EMILIN2: variants seen among roughly 807,000 people sequenced by gnomAD.
EMILIN2 encodes the protein elastin microfibril interfacer 2, also known as EMILIN-2.
EMILIN2 carries 71 observed loss-of-function variants against 87.1 expected under a neutral mutation model. That is an observed-to-expected ratio of 0.82 (90% CI 0.67 to 0.99). The LOEUF (loss-of-function observed/expected upper bound fraction) is 0.99, where lower values mean the gene tolerates loss of function less well. EMILIN2 is among the 50% of genes least tolerant of loss of function. EMILIN2 has a pLI of 0.00. For synonymous variants in EMILIN2, 581 were observed against 563.4 expected, an observed-to-expected ratio of 1.03 and a Z score of -0.44; for missense variants, 1,407 against 1,371.8, an observed-to-expected ratio of 1.03 and a Z score of -0.40.
chr18:2,908,981 T>C lies in EMILIN2; in HGVS notation c.2695+6T>C. 6.2e-7 allele frequency: 1 copy of C among 1,613,316 alleles called. No homozygotes were observed. The highest frequency in any genetic ancestry group is 8.5e-7 in the Non-Finnish European group (1 of 1,180,020). On this transcript the variant is annotated splice_donor_region_variant and intron_variant, in intron 6 of 7. Coordinates refer to ENST00000254528, the MANE Select transcript of EMILIN2 (RefSeq NM_032048.3). ...ACCTCCTGTAGCTTCCCCAGGTATG[T>C]CTGCTGAGAGACCAGGAGCAGGAGG...
Position 2,847,984 on chromosome 18 carries a change from G to T in EMILIN2, c.257+53G>T. On this transcript the variant is annotated intron_variant, in intron 2 of 7. Transcript: ENST00000254528. This position sits in a 1 kb window ranked among gnomAD's most constrained non-coding sequence, Gnocchi z 4.5. ...GGGCGCGCCCGGGCCGGGGCGGTGG[G>T]GGTGGGGTGGGGTTGCTGCGCTGGG... 1 of 1,509,018 alleles carries T rather than the reference G, an allele frequency of 6.6e-7. No homozygotes were observed. Among genetic ancestry groups the T allele is most frequent in the South Asian group, 1.2e-5 (1 of 80,584 alleles). 93.5% of individuals were successfully genotyped at this position (1,509,018 alleles called of 1,614,324 possible).
In EMILIN2 at chr18:2,892,197, A is replaced by G. The variant is rs2076841749; in HGVS notation, c.2070A>G (p.Glu690=). 1 of 1,607,386 alleles carries G rather than the reference A, an allele frequency of 6.2e-7. No individual in the cohort carries two copies. Among genetic ancestry groups the G allele is most frequent in the Non-Finnish European group, 8.5e-7 (1 of 1,175,594 alleles). ...QVISELDACK[E]CTQGVQREVS... ...TCTCGGAGCTGGATGCTTGTAAGGA[A>G]TGCACGCAGGGGGTCCAGAGGGAGG... The change falls in exon 4 of 8, where the codon GAA becomes GAG. Residue 690 remains glutamate (E), a synonymous_variant. Coordinates refer to ENST00000254528, the MANE Select transcript of EMILIN2 (RefSeq NM_032048.3).
At chr18:2,905,977 A>AT (rs2076909864) in intron 4 of EMILIN2, among the ~76,000 whole-genome samples, 1 of 151,920 alleles carries the variant, frequency 6.6e-6, no homozygotes, top group Non-Finnish European at 1.5e-5. Flanking sequence ...GCAGCCGCCG[A>AT]TTTTTGTCGG....
At chr18:2,887,133 G>A (rs1248259219) in intron 3 of EMILIN2, among the ~76,000 whole-genome samples, 1 of 152,018 alleles carries the variant, frequency 6.6e-6, no homozygotes, top group African/African-American at 2.4e-5. Context: ...CAGAAATCTA[G>A]GTCAGAAATC....
Position 2,847,814 on chromosome 18 carries a change from G to T in EMILIN2, c.140G>T (p.Trp47Leu). 1 of 1,613,172 alleles carries T rather than the reference G, an allele frequency of 6.2e-7. No individual in the cohort carries two copies. Among genetic ancestry groups the T allele is most frequent in the Non-Finnish European group, 8.5e-7 (1 of 1,179,782 alleles). The change falls in exon 2 of 8, where the codon TGG becomes TTG. Residue 47 changes from tryptophan to leucine, a missense_variant. Trp to Leu is a moderately conservative substitution (Grantham distance 61). Transcript: ENST00000254528. This position sits in a 1 kb window ranked among gnomAD's most constrained non-coding sequence, Gnocchi z 4.5. ...PARPSARNKNWCAYIVNKNVS... is the reference protein window; with the variant it reads ...PARPSARNKNLCAYIVNKNVS... ...CTCTCTCTCCTGCACCCCAGGAACT[G>T]GTGCGCCTACATCGTGAACAAGAAT...
Position 2,896,442 on chromosome 18 carries a change from C to T in EMILIN2, c.2359+3956C>T, listed in dbSNP as rs537344503. 1.5e-4 allele frequency among the ~76,000 whole-genome samples: 23 copies of T among 152,040 alleles called. 1 individual carries two copies. The highest frequency in any genetic ancestry group is 2.6e-4 in the Admixed American group (4 of 15,276). On this transcript the variant is annotated intron_variant, in intron 4 of 7. Coordinates refer to ENST00000254528, the MANE Select transcript of EMILIN2 (RefSeq NM_032048.3). ...CCACCCATCTCAGCCTCCCAAAGTG[C>T]TGGGATTACAAGCATGAGACATTGC...
intron 2 of EMILIN2, among the ~76,000 whole-genome samples, chr18:2,855,620 C>T (rs938921958): frequency 1.3e-5 from 2 of 152,166 alleles, no homozygotes; most frequent in African/African-American, 4.8e-5. Flanking sequence ...CTGCAGAGAA[C>T]GGCAAGTGGG....
Position 2,892,126 on chromosome 18 carries a change from T to G in EMILIN2, c.1999T>G (p.Cys667Gly), listed in dbSNP as rs373032254. The G allele has an allele frequency of 6.8e-6, 11 of 1,610,886 alleles. No individual in the cohort carries two copies. The highest frequency in any genetic ancestry group is 9.3e-6 in the Non-Finnish European group (11 of 1,177,858). ...CCCCCAGCACCCCGTGGCTCATTGC[T>G]GCAGTCAGCTGGAGGAGAGGTGGCA... is the stretch of plus-strand genomic sequence containing the variant. ...PSPQHPVAHC[C>G]SQLEERWQRL... The change falls in exon 4 of 8, where the codon TGC (cysteine) becomes GGC (glycine). Residue 667 changes from cysteine to glycine, a missense_variant. By Grantham distance (159) the Cys-to-Gly change is radical. Coordinates refer to ENST00000254528, the MANE Select transcript of EMILIN2 (RefSeq NM_032048.3).
rs777501083 is a variant in EMILIN2, at chr18:2,892,219, G to T, written c.2092G>T (p.Glu698Ter). The change falls in exon 4 of 8, where the codon GAG becomes TAG. Residue 698 changes from glutamate (E) to a stop codon, truncating the protein, a stop_gained. Coordinates refer to ENST00000254528, the MANE Select transcript of EMILIN2 (RefSeq NM_032048.3). LOFTEE classifies it high-confidence loss of function. The stretch of plus-strand genomic sequence containing the variant: ...GGAATGCACGCAGGGGGTCCAGAGG[G>T]AGGTCTCCATGGTGGAGGGCAGGGT... ...CKECTQGVQR[E>*]VSMVEGRVSH... The T allele has an allele frequency of 6.2e-6, 10 of 1,609,804 alleles. No homozygotes were observed. In the Admixed American group the frequency reaches 1.2e-4, roughly 19 times the overall value.
Position 2,892,094 on chromosome 18 carries a change from T to C in EMILIN2, c.1967T>C (p.Leu656Pro). The C allele has an allele frequency of 6.2e-7, 1 of 1,613,892 alleles. No individual in the cohort carries two copies. The highest frequency in any genetic ancestry group is 8.5e-7 in the Non-Finnish European group (1 of 1,179,800). Residue 656 changes from leucine (L) to proline (P), a missense_variant, in exon 4 of 8, where the codon CTG becomes CCG. Coordinates refer to ENST00000254528, the MANE Select transcript of EMILIN2 (RefSeq NM_032048.3). ...VGEQERTVDT[L>P]PSPQHPVAHC... ...GAGCAAGAAAGGACAGTGGACACCCTGCCGTCCCCCCAGCACCCCGTGGCT... is the reference window on the plus strand; with the variant it reads ...GAGCAAGAAAGGACAGTGGACACCCCGCCGTCCCCCCAGCACCCCGTGGCT...
chr18:2,905,506 CTTT>C (rs1450553405), intron 4 of EMILIN2, among the ~76,000 whole-genome samples: 1 of 152,076 alleles, frequency 6.6e-6, no homozygotes, highest in Non-Finnish European at 1.5e-5. Context: ...CAATTCTACT[CTTT>C]TATTTAAAAA....
intron 2 of EMILIN2, among the ~76,000 whole-genome samples, chr18:2,858,490 T>C (rs2076638926): frequency 7.7e-6 from 1 of 129,504 alleles, no homozygotes; most frequent in African/African-American, 3.0e-5. Context: ...TACCATTAAT[T>C]CATCCCTTTT....
Position 2,913,317 on chromosome 18 carries a change from T to TG in EMILIN2, c.3080dup (p.Lys1028GlnfsTer8). The TG allele has an allele frequency of 1.2e-6, 2 of 1,613,194 alleles. No homozygotes were observed. The highest frequency in any genetic ancestry group is 1.1e-5 in the South Asian group (1 of 90,978). The stretch of plus-strand genomic sequence containing the variant: ...GAGATGCAGTCAACGTCGTGGTGAC[T>TG]GGGGGCAAGCTGGCTCACACAGACT... On this transcript the variant is annotated frameshift_variant, in exon 8 of 8. Transcript: ENST00000254528. LOFTEE classifies it high-confidence loss of function.
Position 2,847,464 on chromosome 18 carries a change from G to A in EMILIN2, c.134+142G>A. 4.9e-6 allele frequency: 5 copies of A among 1,024,016 alleles called. No individual in the cohort carries two copies. Among genetic ancestry groups the A allele is most frequent in the Non-Finnish European group, 6.3e-6 (5 of 788,382 alleles). The allele number at this position is 1,024,016 out of a possible 1,614,324, so 63.4% of individuals were successfully genotyped here. On this transcript the variant is annotated intron_variant, in intron 1 of 7. Coordinates refer to ENST00000254528, the MANE Select transcript of EMILIN2 (RefSeq NM_032048.3). This position sits in a 1 kb window ranked among gnomAD's most constrained non-coding sequence, Gnocchi z 4.5. ...TCCCCGGGCGGCTCCCTCTGCGGGG[G>A]ACCGCGCGCTCCGCAGCCGGCGCCT...
Position 2,847,806 on chromosome 18 carries a change from C to T in EMILIN2, c.135-3C>T. On this transcript the variant is annotated splice_region_variant and splice_polypyrimidine_tract_variant and intron_variant, in intron 1 of 7. Coordinates refer to ENST00000254528, the MANE Select transcript of EMILIN2 (RefSeq NM_032048.3). This position sits in a 1 kb window ranked among gnomAD's most constrained non-coding sequence, Gnocchi z 4.5. ...CCCTCTCCCTCTCTCTCCTGCACCC[C>T]AGGAACTGGTGCGCCTACATCGTGA... is the stretch of plus-strand genomic sequence containing the variant. 6.2e-7 allele frequency: 1 copy of T among 1,612,912 alleles called. No individual in the cohort carries two copies. Among genetic ancestry groups the T allele is most frequent in the Non-Finnish European group, 8.5e-7 (1 of 1,179,744 alleles).
Position 2,885,139 on chromosome 18 carries a change from G to GGTA in EMILIN2, c.433+1_433+3dup. 1 of 1,599,064 alleles carries GGTA rather than the reference G, an allele frequency of 6.3e-7. No individual in the cohort carries two copies. Among genetic ancestry groups the GGTA allele is most frequent in the Non-Finnish European group, 8.5e-7 (1 of 1,174,100 alleles). On this transcript the variant is annotated protein_altering_variant and splice_region_variant. Transcript: ENST00000254528. Reference sequence around the variant, plus strand: ...TCGAAACAGCTTGAAGAAAGCCACAGGTAACTTCTTATTTGTGCTATTATG... The same window carrying GGTA: ...TCGAAACAGCTTGAAGAAAGCCACAGGTAGTAACTTCTTATTTGTGCTATTATG...
chr18:2,913,155 G>T lies in EMILIN2; in HGVS notation c.2913G>T (p.Ser971=), dbSNP rs143370108. 145 of 1,613,638 alleles carry T rather than the reference G, an allele frequency of 9.0e-5. No homozygotes were observed. Among genetic ancestry groups the T allele is most frequent in the Non-Finnish European group, 1.2e-4 (142 of 1,179,970 alleles). The change falls in exon 8 of 8, where the codon TCG becomes TCT. Residue 971 remains serine (S), a synonymous_variant. Transcript: ENST00000254528. ...ERDAYVEAVL[S]VSNASVAQLH... ...ACGCCTACGTGGAAGCAGTGCTGTC[G>T]GTCTCCAACGCCAGCGTGGCCCAGC...
intron 2 of EMILIN2, among the ~76,000 whole-genome samples, chr18:2,882,831 C>T (rs149921432): frequency 1.5e-4 from 22 of 151,330 alleles, no homozygotes; most frequent in African/African-American, 5.1e-4. Context: ...TGCAGTGAGC[C>T]GAGATCGCGC....
chr18:2,852,578 G>T (rs2076606821), intron 2 of EMILIN2, among the ~76,000 whole-genome samples: 1 of 152,194 alleles, frequency 6.6e-6, no homozygotes, highest in Non-Finnish European at 1.5e-5. Flanking sequence ...GAGCGCAGCG[G>T]CACCATCTCG....
Sources: gnomAD v4.1 joint callset for allele counts (sites outside exome capture counted in the v4.1 genomes callset) on GRCh38, gnomAD v4.1.1 for gene constraint, Gnocchi (gnomAD v3.1) non-coding constraint, MANE v1.5 for transcripts, NCBI Gene and HGNC (gene_info 2026-07-23, HGNC 2026-07-21) for gene names.